The following PTPN12 variants were observed in gnomAD, a reference collection of about 807,000 sequenced individuals.
The protein encoded by PTPN12 is tyrosine-protein phosphatase non-receptor type 12.
In PTPN12, 29 loss-of-function variants were observed where a neutral mutation model predicts 97.6. The observed-to-expected ratio is 0.30, with a 90% CI of 0.22 to 0.41. The LOEUF is 0.41. Among genes scored for constraint, PTPN12 ranks in the 10% least tolerant of loss-of-function variants. The probability of loss-of-function intolerance (pLI) is 1.00; values close to 1 mark genes in which losing one functional copy is unlikely to be tolerated. For missense variants in PTPN12, 819 were observed against 926.0 expected (o/e 0.88, Z 1.50); for synonymous variants, 327 against 300.4 (o/e 1.09, Z -0.91).
intron 1 of PTPN12, chr7:77,538,134 G>C (rs1298876542): frequency 2.0e-6 from 2 of 985,550 alleles, no homozygotes; most frequent in East Asian, 2.3e-4. Context: ...GGATCCCTTT[G>C]CTCTAGCTGG....
intron 8 of PTPN12, among the ~76,000 whole-genome samples, chr7:77,605,580 C>T (rs199703463): frequency 7.1e-5 from 6 of 84,768 alleles, no homozygotes; most frequent in East Asian, 1.1e-3. Flanking sequence ...CTACCACGCC[C>T]GGCTAATTTT....
intron 1 of PTPN12, among the ~76,000 whole-genome samples, chr7:77,569,726 G>A (rs766477750): frequency 5.3e-5 from 8 of 152,118 alleles, no homozygotes; most frequent in Admixed American, 1.3e-4. Context: ...GGCCGAGATC[G>A]CACCACTGCA....
intron 17 of PTPN12, 172 bp from the exon 18 acceptor site, chr7:77,639,047 C>A: frequency 1.5e-6 from 1 of 654,380 alleles, no homozygotes; most frequent in Non-Finnish European, 2.4e-6. Context: ...TTCAGTTATT[C>A]CAAATAAATT....
intron 1 of PTPN12, among the ~76,000 whole-genome samples, chr7:77,546,655 T>G (rs1410059663): frequency 6.6e-6 from 1 of 152,208 alleles, no homozygotes; most frequent in Non-Finnish European, 1.5e-5. Flanking sequence ...GAGTGTGGAC[T>G]GTATTAGTCC....
intron 8 of PTPN12, among the ~76,000 whole-genome samples, chr7:77,605,765 G>T (rs1788350664): frequency 6.6e-6 from 1 of 151,718 alleles, no homozygotes; most frequent in South Asian, 2.1e-4. Flanking sequence ...TTACTCTAAA[G>T]TCCCCAGCTC....
chr7:77,537,489 G>A lies in PTPN12; in HGVS notation c.-58G>A. On this transcript the variant is annotated 5_prime_UTR_variant, in exon 1 of 18. The change creates a new upstream start codon in the 5' untranslated region. Coordinates refer to ENST00000248594, the MANE Select transcript of PTPN12 (RefSeq NM_002835.4). ...AGCTGGGGAAGACGGAGCGGGCTCT[G>A]TGCCGGGCGGGCGGGCGGCGGGGGG... 6.6e-7 allele frequency: 1 copy of A among 1,509,008 alleles called. No individual in the cohort carries two copies. Among genetic ancestry groups the A allele is most frequent in the Non-Finnish European group, 8.9e-7 (1 of 1,128,438 alleles). The allele number at this position is 1,509,008 out of a possible 1,614,324, so 93.5% of individuals were successfully genotyped here. A position where few individuals can be genotyped will look rare whatever the true frequency, so the allele number is the denominator to read the frequency against.
At position 77,563,486 on chromosome 7, in the gene PTPN12, T is replaced by A. The variant is rs377687758; in HGVS notation, c.100-7592T>A. On this transcript the variant is annotated intron_variant, in intron 1 of 17. Transcript: ENST00000248594. ...GAGATGAGGAAGTGGATGATGGGCC[T>A]GTATGCCAGTACTACTATCAGGAAA... Among the ~76,000 whole-genome samples the A allele has an allele frequency of 6.6e-5, 10 of 152,358 alleles. 1 individual carries two copies. The East Asian group carries it at 1.3e-3, about 21-fold the overall frequency.
At chr7:77,553,851 A>T (rs1333993402) in intron 1 of PTPN12, among the ~76,000 whole-genome samples, 50 of 145,176 alleles carry the variant, frequency 3.4e-4, no homozygotes, top group African/African-American at 3.5e-4. Context: ...CTTTGTTCCT[A>T]TTTTTTTTTT....
At chr7:77,629,094 C>T (rs1789305627) in intron 13 of PTPN12, among the ~76,000 whole-genome samples, 1 of 152,066 alleles carries the variant, frequency 6.6e-6, no homozygotes, top group Non-Finnish European at 1.5e-5. Flanking sequence ...GGAATACAGG[C>T]ATGCGCCACC....
intron 12 of PTPN12, among the ~76,000 whole-genome samples, chr7:77,625,474 T>TCGCGCGCGCTCG (rs761174867): frequency 3.4e-5 from 1 of 29,166 alleles, no homozygotes; most frequent in African/African-American, 1.6e-4. Flanking sequence ...GGCTGCTCGC[T>TCGCGCGCGCTCG]CTCTCTCTCT....
rs1247061970 is a variant in PTPN12, at chr7:77,564,990, T to C, written c.100-6088T>C. Reference sequence around the variant, plus strand: ...CCAGGATGGTCTCGATCTCCTGACTTCGTGATCTACCAGCCTTGGCCTCCC... The same window carrying C: ...CCAGGATGGTCTCGATCTCCTGACTCCGTGATCTACCAGCCTTGGCCTCCC... On this transcript the variant is annotated intron_variant, in intron 1 of 17. Transcript: ENST00000248594. Among the ~76,000 whole-genome samples, 4 of 152,028 alleles carry C rather than the reference T, an allele frequency of 2.6e-5. No homozygotes were observed. In the East Asian group the frequency reaches 7.7e-4, roughly 29 times the overall value.
intron 7 of PTPN12, among the ~76,000 whole-genome samples, chr7:77,599,116 A>G (rs1406399566): frequency 2.0e-5 from 3 of 151,766 alleles, no homozygotes; most frequent in Non-Finnish European, 2.9e-5. Flanking sequence ...AACATACCCT[A>G]AATTTGTTAA....
intron 6 of PTPN12, among the ~76,000 whole-genome samples, chr7:77,593,650 A>G (rs1441188893): frequency 1.3e-5 from 2 of 152,246 alleles, no homozygotes; most frequent in African/African-American, 4.8e-5. Context: ...CAGGCCTTCA[A>G]CAGATTGGAT....
At chr7:77,553,165 T>C (rs1317964407) in intron 1 of PTPN12, among the ~76,000 whole-genome samples, 3 of 152,194 alleles carry the variant, frequency 2.0e-5, no homozygotes, top group African/African-American at 7.2e-5. Context: ...TTGTGTATGA[T>C]TGCTGTTTTA....
At chr7:77,568,783 A>T (rs1332423210) in intron 1 of PTPN12, among the ~76,000 whole-genome samples, 2 of 152,188 alleles carry the variant, frequency 1.3e-5, no homozygotes, top group Non-Finnish European at 2.9e-5. Flanking sequence ...CCTAAGATAT[A>T]TTCCTTTCCC....
chr7:77,597,110 A>G (rs1788046573), intron 6 of PTPN12, among the ~76,000 whole-genome samples: 1 of 151,794 alleles, frequency 6.6e-6, no homozygotes, highest in Non-Finnish European at 1.5e-5. Context: ...GAAGTCATAT[A>G]GTTTGTTTTT....
chr7:77,618,433 A>G, intron 11 of PTPN12, 47 bp from the exon 12 acceptor site: 2 of 1,295,952 alleles, frequency 1.5e-6, no homozygotes, highest in Non-Finnish European at 2.2e-6. Context: ...TGAAGAGGAA[A>G]AATTATTTTT....
chr7:77,614,204 C>T (rs1447673387), intron 11 of PTPN12, among the ~76,000 whole-genome samples: 3 of 152,122 alleles, frequency 2.0e-5, no homozygotes, highest in Non-Finnish European at 2.9e-5. Context: ...TTTTTTAAAA[C>T]TTTTAACTAT....
chr7:77,546,715 GA>G (rs1807235340), intron 1 of PTPN12, among the ~76,000 whole-genome samples: 1 of 152,190 alleles, frequency 6.6e-6, no homozygotes, highest in African/African-American at 2.4e-5. Context: ...ATTTATAAAG[GA>G]AAGAGGTTTA....
Sources: gnomAD v4.1 joint callset for allele counts (sites outside exome capture counted in the v4.1 genomes callset) on GRCh38, gnomAD v4.1.1 for gene constraint, MANE v1.5 for transcripts, NCBI Gene and HGNC (gene_info 2026-07-23, HGNC 2026-07-21) for gene names.